The following FREM2 variants were observed in gnomAD, a reference collection of about 807,000 sequenced individuals.
FREM2 encodes FRAS1 related extracellular matrix 2.
In FREM2, 119 loss-of-function variants were observed where a neutral mutation model predicts 219.9. The observed-to-expected ratio is 0.54, with a 90% CI of 0.47 to 0.63. The LOEUF (loss-of-function observed/expected upper bound fraction) is 0.63, where lower values mean the gene tolerates loss of function less well. Among genes scored for constraint, FREM2 ranks in the 30% least tolerant of loss-of-function variants. FREM2 has a pLI of 0.00. For missense variants in FREM2, 4,030 were observed against 3,993.6 expected (o/e 1.01, Z -0.25); for synonymous variants, 1,562 against 1,522.8 (o/e 1.03, Z -0.60).
intron 7 of FREM2, 84 bp from the exon 8 acceptor site, chr13:38,848,377 T>C: frequency 1.0e-6 from 1 of 988,152 alleles, no homozygotes; most frequent in Non-Finnish European, 1.6e-6. Context: ...AGAAGAATTA[T>C]AAACACAATT....
chr13:38,786,179 T>C (rs1055703252), intron 6 of FREM2, among the ~76,000 whole-genome samples: 2 of 152,162 alleles, frequency 1.3e-5, no homozygotes, highest in Non-Finnish European at 2.9e-5. Context: ...TGTAATTTTG[T>C]GTCCTTTAAC....
chr13:38,788,627 T>C (rs991568475), intron 6 of FREM2, among the ~76,000 whole-genome samples: 1 of 152,174 alleles, frequency 6.6e-6, no homozygotes, highest in Non-Finnish European at 1.5e-5. Flanking sequence ...TTCATTCACT[T>C]ATCACAGTTT....
At position 38,880,442 on chromosome 13, in the gene FREM2, C is replaced by T; in HGVS notation, c.9165C>T (p.Ile3055=). The T allele has an allele frequency of 6.2e-7, 1 of 1,614,070 alleles. No homozygotes were observed. Among genetic ancestry groups the T allele is most frequent in the Non-Finnish European group, 8.5e-7 (1 of 1,180,008 alleles). Residue 3055 remains isoleucine (I), a synonymous_variant, in exon 24 of 24, where the codon ATC becomes ATT. Coordinates refer to ENST00000280481, the MANE Select transcript of FREM2 (RefSeq NM_207361.6). ...CCAAGAGCCGGAAGAAGAGAGAGAT[C>T]AGGAGCACACCCTCACTGGCATGGG... is the stretch of plus-strand genomic sequence containing the variant. ...STTKSRKKRE[I]RSTPSLAWEI... is the part of the protein sequence containing the mutation.
rs56270131 is a variant in FREM2 at position 38,754,901 on chromosome 13, G to GATGATTATTATTATTATT, written c.5264-9401_5264-9400insGATTATTATTATTATTAT. On this transcript the variant is annotated intron_variant, in intron 2 of 23. Transcript: ENST00000280481. ...TGATGATGATGATGATGATGATGAT[G>GATGATTATTATTATTATT]ATTATTATTATTATTATTAGAGATG... Among the ~76,000 whole-genome samples, 1,229 of 128,590 alleles carry GATGATTATTATTATTATT rather than the reference G, an allele frequency of 9.6e-3. 8 individuals carry two copies. The highest frequency in any genetic ancestry group is 0.025 in the East Asian group (107 of 4,290). 84.4% of individuals were successfully genotyped at this position (128,590 alleles called of 152,430 possible). A position where few individuals can be genotyped will look rare whatever the true frequency, so the allele number is the denominator to read the frequency against.
At chr13:38,692,555 C>T (rs1415504726) in intron 1 of FREM2, 38 bp downstream of exon 1, 2 of 1,598,526 alleles carry the variant, frequency 1.3e-6, no homozygotes, top group East Asian at 2.2e-5. Flanking sequence ...ATCCTTGTTT[C>T]CTGAGAATGT....
Position 38,828,330 on chromosome 13 carries a change from G to T in FREM2, c.6020-18243G>T, listed in dbSNP as rs148149466. 2.6e-3 allele frequency among the ~76,000 whole-genome samples: 392 copies of T among 152,162 alleles called. 1 individual carries two copies. The highest frequency in any genetic ancestry group is 9.1e-3 in the African/African-American group (379 of 41,532). ...ATATAAAGTGCTTAGAACAGTTCAG[G>T]TACACTGAAAGTACTCAATAAATAT... On this transcript the variant is annotated intron_variant, in intron 6 of 23. Transcript: ENST00000280481.
intron 2 of FREM2, among the ~76,000 whole-genome samples, chr13:38,737,506 C>G (rs954637932): frequency 3.3e-5 from 5 of 152,150 alleles, no homozygotes; most frequent in Non-Finnish European, 4.4e-5. Context: ...GAGGTACATA[C>G]CAGTTCTAAA....
intron 1 of FREM2, among the ~76,000 whole-genome samples, chr13:38,692,804 C>T (rs1382312369): frequency 6.6e-6 from 1 of 152,190 alleles, no homozygotes; most frequent in Non-Finnish European, 1.5e-5. Context: ...AGCAGGCTTT[C>T]CAATTCTGCT....
chr13:38,850,116 C>G lies in FREM2; in HGVS notation c.6458C>G (p.Thr2153Ser), dbSNP rs9548506. Residue 2153 changes from threonine (T) to serine (S), a missense_variant, in exon 9 of 24, where the codon ACT becomes AGT. Transcript: ENST00000280481. ...CAGATAGTTACAATGATCCATAGGA[C>G]TGGGGATGTCCAGTACAGATCTTCA... Reference protein sequence around the residue: ...DGQIVTMIHRTGDVQYRSSVR... With the variant: ...DGQIVTMIHRSGDVQYRSSVR... 185,055 of 1,613,254 alleles carry G rather than the reference C, an allele frequency of 0.11. 12,565 individuals carry two copies. The highest frequency in any genetic ancestry group is 0.28 in the Admixed American group (17,088 of 59,972).
intron 6 of FREM2, among the ~76,000 whole-genome samples, chr13:38,834,162 T>C (rs1353354014): frequency 1.3e-5 from 2 of 151,576 alleles, no homozygotes; most frequent in African/African-American, 4.9e-5. Flanking sequence ...ATGCTATCCC[T>C]CCCCTTGATC....
At position 38,884,408 on chromosome 13, in the gene FREM2, A is replaced by G. The variant is rs1203598444; in HGVS notation, c.*3621A>G. 1.3e-5 allele frequency: 2 copies of G among 152,194 alleles called. No homozygotes were observed. Among genetic ancestry groups the G allele is most frequent in the African/African-American group, 4.8e-5 (2 of 41,456 alleles). The allele number at this position is 152,194 out of a possible 1,614,324, so 9.4% of individuals were successfully genotyped here. A position where few individuals can be genotyped will look rare whatever the true frequency, so the allele number is the denominator to read the frequency against. On this transcript the variant is annotated 3_prime_UTR_variant, in exon 24 of 24. Transcript: ENST00000280481. ...TTTAAAGTACCAATAATAGAGCTAA[A>G]TACAATGACATTTGCTTTTAAAAGG... is the stretch of plus-strand genomic sequence containing the variant.
chr13:38,718,358 C>A (rs888217189), intron 2 of FREM2, among the ~76,000 whole-genome samples: 3 of 152,178 alleles, frequency 2.0e-5, no homozygotes, highest in Non-Finnish European at 4.4e-5. Context: ...TTCTGGACCC[C>A]ATCCATTTGC....
intron 1 of FREM2, among the ~76,000 whole-genome samples, chr13:38,693,456 A>T (rs1334106951): frequency 6.6e-6 from 1 of 152,218 alleles, no homozygotes; most frequent in Non-Finnish European, 1.5e-5. Context: ...TGAGGCAGAA[A>T]GGACAAGTGT....
At chr13:38,739,038 G>T (rs913536386) in intron 2 of FREM2, among the ~76,000 whole-genome samples, 1 of 152,100 alleles carries the variant, frequency 6.6e-6, no homozygotes, top group Non-Finnish European at 1.5e-5. Flanking sequence ...ATATTCATGT[G>T]GGGAGTAAGT....
At chr13:38,794,700 C>T (rs571417740) in intron 6 of FREM2, among the ~76,000 whole-genome samples, 1 of 151,890 alleles carries the variant, frequency 6.6e-6, no homozygotes, top group East Asian at 1.9e-4. Flanking sequence ...ATCTGTCATG[C>T]ATATTGTTTA....
chr13:38,694,870 A>G (rs570092883), intron 1 of FREM2, among the ~76,000 whole-genome samples: 6 of 152,268 alleles, frequency 3.9e-5, no homozygotes, highest in African/African-American at 9.6e-5. Flanking sequence ...TTTCTTCCCT[A>G]CAATAAGTAC....
chr13:38,810,462 A>T (rs1391944810), intron 6 of FREM2, among the ~76,000 whole-genome samples: 1 of 151,882 alleles, frequency 6.6e-6, no homozygotes, highest in Non-Finnish European at 1.5e-5. Flanking sequence ...GGTCTGTTTT[A>T]TATGGTTTTC....
At chr13:38,802,522 G>T (rs150811003) in intron 6 of FREM2, among the ~76,000 whole-genome samples, 45 of 152,294 alleles carry the variant, frequency 3.0e-4, no homozygotes, top group Middle Eastern at 3.4e-3. Flanking sequence ...GTAGCTGTGG[G>T]GAGTGCAGTT....
intron 6 of FREM2, among the ~76,000 whole-genome samples, chr13:38,809,454 T>C (rs937090946): frequency 6.6e-6 from 1 of 152,024 alleles, no homozygotes; most frequent in Admixed American, 6.6e-5. Context: ...AGTTTTATAG[T>C]TTGAGGTCTT....
Sources: gnomAD v4.1 joint callset for allele counts (sites outside exome capture counted in the v4.1 genomes callset) on GRCh38, gnomAD v4.1.1 for gene constraint, MANE v1.5 for transcripts, NCBI Gene and HGNC (gene_info 2026-07-23, HGNC 2026-07-21) for gene names.